The following MILR1 variants were observed in gnomAD, a reference collection of about 807,000 sequenced individuals.
MILR1 encodes mast cell immunoglobulin like receptor 1, also known as allergin-1.
MILR1 carries 31 observed loss-of-function variants against 18.5 expected under a neutral mutation model. The observed-to-expected ratio is 1.68, with a 90% CI of 1.26 to 2.26. The LOEUF is 2.26. MILR1 is among the 30% of genes most tolerant of loss of function. MILR1 has a pLI of 0.00. For missense variants in MILR1, 257 were observed against 157.4 expected (o/e 1.63, Z -3.38); for synonymous variants, 85 against 56.2 (o/e 1.51, Z -2.30).
At chr17:64,483,274 G>A in the MILR1 span, among the ~76,000 whole-genome samples, 9 of 152,220 alleles carry the variant, frequency 5.9e-5, no homozygotes, top group African/African-American at 1.9e-4. Context: ...AGCACTTTGG[G>A]AGGCTGAGGC....
At chr17:64,492,541 T>C in the MILR1 span, 1 of 655,952 alleles carries the variant, frequency 1.5e-6, no homozygotes, top group South Asian at 1.7e-5. Flanking sequence ...AGAGTTTTTG[T>C]ATTTGTATAA....
At chr17:64,464,528 C>T (rs2037505893) in intron 5 of MILR1, among the ~76,000 whole-genome samples, 1 of 152,156 alleles carries the variant, frequency 6.6e-6, no homozygotes, top group Admixed American at 6.6e-5. Context: ...GCGTGAGCCA[C>T]TGCACCCTGG....
At chr17:64,492,950 C>G in the MILR1 span, 1 of 1,613,934 alleles carries the variant, frequency 6.2e-7, no homozygotes, top group Non-Finnish European at 8.5e-7. Flanking sequence ...AAACACACTC[C>G]AATCTGAGCA....
the MILR1 span, among the ~76,000 whole-genome samples, chr17:64,494,899 C>A: frequency 1.3e-5 from 2 of 152,208 alleles, no homozygotes; most frequent in African/African-American, 4.8e-5. Context: ...GGAGGCCGGG[C>A]GCAGTGGCTC....
chr17:64,465,210 G>T (rs2037525695), intron 5 of MILR1, among the ~76,000 whole-genome samples: 2 of 152,230 alleles, frequency 1.3e-5, no homozygotes, highest in African/African-American at 4.8e-5. Flanking sequence ...GGCATAATCT[G>T]ATAGGCAAAG....
the MILR1 span, among the ~76,000 whole-genome samples, chr17:64,494,382 A>G: frequency 6.6e-6 from 1 of 152,122 alleles, no homozygotes; most frequent in African/African-American, 2.4e-5. Context: ...TGGTTAAGGT[A>G]GTAAATATCC....
the MILR1 span, among the ~76,000 whole-genome samples, chr17:64,496,011 G>C: frequency 6.6e-6 from 1 of 152,160 alleles, no homozygotes; most frequent in Non-Finnish European, 1.5e-5. Flanking sequence ...GCCTGGCCTT[G>C]ATTTATCCTA....
the MILR1 span, among the ~76,000 whole-genome samples, chr17:64,497,218 G>A: frequency 2.6e-5 from 4 of 152,214 alleles, no homozygotes; most frequent in South Asian, 2.1e-4. Flanking sequence ...CCTCCCTTCA[G>A]ATTGACTTTT....
intron 3 of MILR1, among the ~76,000 whole-genome samples, chr17:64,455,942 G>GAGGC (rs1269826919): frequency 6.6e-6 from 1 of 152,092 alleles, no homozygotes; most frequent in East Asian, 2.0e-4. Context: ...TTGGGAGGCT[G>GAGGC]AGGCAGGAGA....
intron 5 of MILR1, among the ~76,000 whole-genome samples, chr17:64,464,394 G>T (rs1472470647): frequency 7.7e-5 from 11 of 143,786 alleles, no homozygotes; most frequent in African/African-American, 2.1e-4. Flanking sequence ...ACAGTTTTTT[G>T]TTTTTTTTTT....
chr17:64,457,397 C>T lies in MILR1; in HGVS notation c.368-3C>T. 1 of 475,184 alleles carries T rather than the reference C, an allele frequency of 2.1e-6. No individual in the cohort carries two copies. The allele number at this position is 475,184 out of a possible 1,614,324, so 29.4% of individuals were successfully genotyped here. A position where few individuals can be genotyped will look rare whatever the true frequency, so the allele number is the denominator to read the frequency against. ...CTTTTCATGTTCACTTTCATTCTTC[C>T]AGACCCGGTGACTTCCCCAGTGCTG... On this transcript the variant is annotated splice_polypyrimidine_tract_variant and splice_region_variant and intron_variant, in intron 3 of 9. Transcript: ENST00000619286.
chr17:64,477,115 G>C, the MILR1 span, among the ~76,000 whole-genome samples: 1 of 152,140 alleles, frequency 6.6e-6, no homozygotes, highest in East Asian at 1.9e-4. Context: ...TTAGTTTTAG[G>C]TTAATTTTTG....
At chr17:64,494,581 C>T in the MILR1 span, among the ~76,000 whole-genome samples, 1 of 152,062 alleles carries the variant, frequency 6.6e-6, no homozygotes, top group African/African-American at 2.4e-5. Context: ...ACCTCTTCCC[C>T]CCGCCCCCGA....
the MILR1 span, chr17:64,496,806 C>G: frequency 1.2e-6 from 2 of 1,613,852 alleles, no homozygotes; most frequent in African/African-American, 2.7e-5. Context: ...TCTGGGTGCT[C>G]GCCGTTCCCC....
At chr17:64,489,276 A>T in the MILR1 span, among the ~76,000 whole-genome samples, 3 of 147,600 alleles carry the variant, frequency 2.0e-5, no homozygotes, top group African/African-American at 4.9e-5. Context: ...ATACCAATTT[A>T]AAAAAAAAAT....
chr17:64,493,036 A>G, the MILR1 span: 1 of 1,613,956 alleles, frequency 6.2e-7, no homozygotes, highest in East Asian at 2.2e-5. Context: ...CAAAAGATAA[A>G]TCAATCATTG....
intron 2 of MILR1, 70 bp from the exon 3 acceptor site, chr17:64,452,527 A>G (rs2144006726): frequency 2.4e-6 from 1 of 411,820 alleles, no homozygotes; most frequent in East Asian, 3.6e-5. Flanking sequence ...TGCTGGGATT[A>G]CAGGCGTGAA....
Position 64,457,554 on chromosome 17 carries a change from T to C in MILR1, c.522T>C (p.Tyr174=), listed in dbSNP as rs1024370531. The C allele has an allele frequency of 7.4e-5, 35 of 475,328 alleles. No individual in the cohort carries two copies. The highest frequency in any genetic ancestry group is 1.9e-4 in the Admixed American group (6 of 31,732). The allele number at this position is 475,328 out of a possible 1,614,324, so 29.4% of individuals were successfully genotyped here. The change falls in exon 4 of 10, where the codon TAT becomes TAC. Residue 174 remains tyrosine, a synonymous_variant. Coordinates refer to ENST00000619286, the MANE Select transcript of MILR1 (RefSeq NM_001085423.2). ...CCATATCACCAGCTATTTCCAAGTA[T>C]GACAGGGAGCCTGCTGAATTTAACT... ...HVAISPAISK[Y]DREPAEFNLT...
intron 3 of MILR1, among the ~76,000 whole-genome samples, chr17:64,455,822 T>C (rs904683613): frequency 6.6e-6 from 1 of 151,758 alleles, no homozygotes; most frequent in African/African-American, 2.4e-5. Context: ...GGCAGATCAC[T>C]TGAGGTCAGT....
Sources: allele counts gnomAD v4.1 joint callset (sites outside exome capture counted in the v4.1 genomes callset), GRCh38; gene constraint gnomAD v4.1.1; transcripts MANE v1.5; gene names NCBI Gene and HGNC (gene_info 2026-07-23, HGNC 2026-07-21).